BLTP1: variants seen among roughly 807,000 people sequenced by gnomAD.
BLTP1 encodes the protein fragile site-associated protein.
the BLTP1 span, among the ~76,000 whole-genome samples, chr4:122,290,635 A>C: frequency 6.6e-6 from 1 of 150,906 alleles, no homozygotes; most frequent in East Asian, 1.9e-4. Context: ...AAAATACAAA[A>C]AATTAGCCTG....
chr4:122,244,947 T>C, the BLTP1 span: 1 of 1,537,696 alleles, frequency 6.5e-7, no homozygotes, highest in East Asian at 2.3e-5. Context: ...CTACGTTTCA[T>C]GATATGTTTA....
At chr4:122,236,753 T>C in the BLTP1 span, 1 of 952,112 alleles carries the variant, frequency 1.1e-6, no homozygotes, top group Non-Finnish European at 1.3e-6. Flanking sequence ...CTTTCTAACA[T>C]TGAAGAAAGT....
chr4:122,263,564 C>T, the BLTP1 span: 1 of 1,611,902 alleles, frequency 6.2e-7, no homozygotes, highest in Non-Finnish European at 8.5e-7. Context: ...ACAAGAATCT[C>T]CTGTTACAAA....
At chr4:122,304,758 T>C in the BLTP1 span, 1 of 1,603,422 alleles carries the variant, frequency 6.2e-7, no homozygotes, top group Non-Finnish European at 8.5e-7. Flanking sequence ...TGTTGTTGAT[T>C]TAAGATTCAT....
chr4:122,169,526 G>C, the BLTP1 span: 2 of 593,832 alleles, frequency 3.4e-6, no homozygotes, highest in South Asian at 7.5e-5. Flanking sequence ...TTTGTTATCG[G>C]TAGGTTGGGT....
chr4:122,311,573 G>A, the BLTP1 span, among the ~76,000 whole-genome samples: 12 of 151,788 alleles, frequency 7.9e-5, no homozygotes, highest in Admixed American at 7.9e-4. Context: ...TTTTTTAACA[G>A]GTCATTTTTA....
the BLTP1 span, chr4:122,189,339 T>G: frequency 2.0e-6 from 2 of 982,508 alleles, no homozygotes; most frequent in Admixed American, 1.2e-4. Flanking sequence ...GAAAAGTTGT[T>G]TAATCAAAGC....
the BLTP1 span, chr4:122,263,092 C>T: frequency 8.8e-6 from 12 of 1,371,416 alleles, no homozygotes; most frequent in Non-Finnish European, 1.1e-5. Context: ...ACTAATCTCT[C>T]ATACCTTATC....
At chr4:122,339,080 T>C in the BLTP1 span, 1 of 1,077,608 alleles carries the variant, frequency 9.3e-7, no homozygotes, top group East Asian at 2.6e-5. Context: ...GTTCAGGTGA[T>C]ATACTTTATT....
chr4:122,336,164 C>A, the BLTP1 span: 1 of 1,531,674 alleles, frequency 6.5e-7, no homozygotes, highest in Non-Finnish European at 8.8e-7. Context: ...TTATAAAATC[C>A]ATTAAATGGA....
the BLTP1 span, chr4:122,232,069 T>C: frequency 2.0e-6 from 2 of 985,402 alleles, no homozygotes; most frequent in Admixed American, 6.1e-5. Context: ...CGAATGGAAC[T>C]AAGGAGGTTA....
chr4:122,260,282 G>A, the BLTP1 span, among the ~76,000 whole-genome samples: 2 of 152,106 alleles, frequency 1.3e-5, no homozygotes, highest in East Asian at 3.9e-4. Context: ...TGTTGTATAC[G>A]TTGCCTGTAG....
chr4:122,339,183 C>A, the BLTP1 span: 1 of 1,604,946 alleles, frequency 6.2e-7, no homozygotes, highest in Non-Finnish European at 8.5e-7. Context: ...TTCCTAGAAA[C>A]CTTTTGCTGT....
the BLTP1 span, chr4:122,255,332 G>A: frequency 7.9e-7 from 1 of 1,273,876 alleles, no homozygotes; most frequent in Non-Finnish European, 1.1e-6. Context: ...TATTCTGTTG[G>A]TGGACCACTG....
chr4:122,204,271 A>G, the BLTP1 span: 20 of 916,992 alleles, frequency 2.2e-5, no homozygotes, highest in Non-Finnish European at 2.6e-5. Context: ...AGAGGAAATC[A>G]CTGTTGTCTG....
the BLTP1 span, chr4:122,207,010 A>G: frequency 8.7e-7 from 1 of 1,150,210 alleles, no homozygotes; most frequent in Non-Finnish European, 1.2e-6. Context: ...AGTTACACAA[A>G]AGAAAAATTC....
chr4:122,229,659 A>G, the BLTP1 span: 1 of 912,288 alleles, frequency 1.1e-6, no homozygotes, highest in East Asian at 1.2e-4. Context: ...CTACTATTTC[A>G]TTATTTACTT....
chr4:122,257,335 G>A, the BLTP1 span: 4 of 1,614,056 alleles, frequency 2.5e-6, no homozygotes, highest in Non-Finnish European at 3.4e-6. Flanking sequence ...TTATTGTGGT[G>A]ACACCAGCCT....
the BLTP1 span, chr4:122,184,892 A>G: frequency 1.0e-6 from 1 of 984,474 alleles, no homozygotes; most frequent in Non-Finnish European, 1.2e-6. Context: ...TTTTCCAGAC[A>G]TGAAATCTGC....
Sources: allele counts gnomAD v4.1 joint callset (sites outside exome capture counted in the v4.1 genomes callset), GRCh38; gene constraint gnomAD v4.1.1; transcripts MANE v1.5; gene names NCBI Gene and HGNC (gene_info 2026-07-23, HGNC 2026-07-21).